The following LSM5 variants were observed in gnomAD, a reference collection of about 807,000 sequenced individuals.
LSM5 encodes LSM5 homolog, U6 small nuclear RNA and mRNA degradation associated.
A neutral mutation model predicts 13.8 loss-of-function variants in LSM5; 8 were observed. The ratio of observed to expected loss-of-function variants is 0.58; its 90% CI spans 0.34 to 1.04. LSM5 has a LOEUF of 1.04. Among genes scored for constraint, LSM5 ranks in the 50% least tolerant of loss-of-function variants. LSM5 has a pLI of 0.03. For synonymous variants in LSM5, 35 were observed against 37.0 expected, an observed-to-expected ratio of 0.95 and a Z score of 0.20; for missense variants, 80 against 108.1, an observed-to-expected ratio of 0.74 and a Z score of 1.15.
In LSM5 at chr7:32,485,875, G is replaced by A. The variant is rs1786429720; in HGVS notation, c.*1386C>T. Reference sequence around the variant, plus strand: ...GGAGGTCGCGTTGATATCGCGACAAGGCACACCAGCCTGACTGGAGGTTGC... The same window carrying A: ...GGAGGTCGCGTTGATATCGCGACAAAGCACACCAGCCTGACTGGAGGTTGC... On this transcript the variant is annotated 3_prime_UTR_variant, in exon 5 of 5. Transcript: ENST00000450169. 1 of 149,302 alleles carries A rather than the reference G, an allele frequency of 6.7e-6. No individual in the cohort carries two copies. The highest frequency in any genetic ancestry group is 2.5e-5 in the African/African-American group (1 of 40,446). The allele number at this position is 149,302 out of a possible 1,614,324, so 9.2% of individuals were successfully genotyped here. A position where few individuals can be genotyped will look rare whatever the true frequency, so the allele number is the denominator to read the frequency against.
chr7:32,492,575 TAATAAAG>T (rs985752984), upstream of LSM5, among the ~76,000 whole-genome samples: 11 of 152,056 alleles, frequency 7.2e-5, no homozygotes, highest in Admixed American at 7.2e-4. Context: ...TGAATGCCAC[TAATAAAG>T]AATAAAGAAA....
intron 1 of LSM5, chr7:32,489,897 G>A (rs1786536678): frequency 6.6e-6 from 3 of 456,646 alleles, no homozygotes; most frequent in Non-Finnish European, 1.1e-5. Context: ...AAACAGAGCT[G>A]GTTTCCAGAT....
intron 3 of LSM5, chr7:32,488,048 GTTT>G (rs10653528): frequency 7.6e-6 from 2 of 264,592 alleles, no homozygotes; most frequent in African/African-American, 2.4e-5. Flanking sequence ...TGTTTTTTGG[GTTT>G]TTTTTTTTTT....
At position 32,485,841 on chromosome 7, in the gene LSM5, C is replaced by G. The variant is rs1192951981; in HGVS notation, c.*1420G>C. 2.0e-5 allele frequency: 3 copies of G among 151,072 alleles called. No homozygotes were observed. Among genetic ancestry groups the G allele is most frequent in the African/African-American group, 7.3e-5 (3 of 40,934 alleles). 9.4% of individuals were successfully genotyped at this position (151,072 alleles called of 1,614,324 possible). The stretch of plus-strand genomic sequence containing the variant: ...GGTGAGGCAGGACAATCACTTGAAC[C>G]TGGGAGGCGGAGGTCGCGTTGATAT... On this transcript the variant is annotated 3_prime_UTR_variant, in exon 5 of 5. Transcript: ENST00000450169.
chr7:32,489,005 G>A (rs1005697510), intron 2 of LSM5, among the ~76,000 whole-genome samples: 2 of 152,216 alleles, frequency 1.3e-5, no homozygotes, highest in African/African-American at 2.4e-5. Flanking sequence ...GATTATAGGC[G>A]TGAGCCACTG....
At chr7:32,492,431 G>A (rs1007805411), upstream of LSM5, among the ~76,000 whole-genome samples, 12 of 152,298 alleles carry the variant, frequency 7.9e-5, no homozygotes, top group African/African-American at 2.9e-4. Context: ...GCTGAGGCAG[G>A]AGAATCGCTT....
chr7:32,488,048 G>GT (rs10653528), intron 3 of LSM5: 199,724 of 264,708 alleles, frequency 0.75, 68,377 homozygotes, highest in Admixed American at 0.87. Flanking sequence ...TGTTTTTTGG[G>GT]TTTTTTTTTT....
At chr7:32,493,976 C>A (rs991839150), upstream of LSM5, among the ~76,000 whole-genome samples, 1 of 151,856 alleles carries the variant, frequency 6.6e-6, no homozygotes, top group African/African-American at 2.4e-5. Flanking sequence ...CTCAGCCGTC[C>A]GAGTAGCTGG....
upstream of LSM5, among the ~76,000 whole-genome samples, chr7:32,494,015 A>G (rs1326085380): frequency 2.0e-5 from 3 of 151,556 alleles, no homozygotes; most frequent in African/African-American, 7.3e-5. Context: ...TGTATTTTGT[A>G]CTAGAGAGGG....
At chr7:32,494,985 C>T (rs563417111), upstream of LSM5, 6 of 152,158 alleles carry the variant, frequency 3.9e-5, no homozygotes, top group East Asian at 1.2e-3. Context: ...TACACAGATA[C>T]GCAACCTCAC....
chr7:32,487,201 A>G lies in LSM5; in HGVS notation c.*60T>C. 6.7e-7 allele frequency: 1 copy of G among 1,483,230 alleles called. No individual in the cohort carries two copies. Among genetic ancestry groups the G allele is most frequent in the Non-Finnish European group, 9.4e-7 (1 of 1,063,938 alleles). 91.9% of individuals were successfully genotyped at this position (1,483,230 alleles called of 1,614,324 possible). ...TAAACATTAGAAAGTGGGAAAAAAA[A>G]TTCCATTTTCTTGTCATTATAAGCC... is the stretch of plus-strand genomic sequence containing the variant. On this transcript the variant is annotated 3_prime_UTR_variant, in exon 5 of 5. Transcript: ENST00000450169.
chr7:32,493,546 CTT>C (rs1554330325), upstream of LSM5, among the ~76,000 whole-genome samples: 1 of 36,232 alleles, frequency 2.8e-5, no homozygotes, highest in Non-Finnish European at 9.2e-5. Flanking sequence ...CTCTCCCTTT[CTT>C]TATTTTTTTG....
At chr7:32,491,494 C>T (rs6950724), upstream of LSM5, among the ~76,000 whole-genome samples, 30,999 of 151,906 alleles carry the variant, frequency 0.2, 3,422 homozygotes, top group Admixed American at 0.32. Context: ...CCCATCATTC[C>T]TTCATAGACT....
intron 2 of LSM5, among the ~76,000 whole-genome samples, chr7:32,488,901 T>C (rs751166225): frequency 3.3e-5 from 5 of 152,180 alleles, no homozygotes; most frequent in Non-Finnish European, 5.9e-5. Context: ...ATTTTTGTAA[T>C]TTTTGTGGAG....
At chr7:32,489,226 A>C in intron 2 of LSM5, 23 bp downstream of exon 2, 2 of 1,227,656 alleles carry the variant, frequency 1.6e-6, no homozygotes, top group Non-Finnish European at 2.4e-6. Flanking sequence ...AACCTATACC[A>C]CCACCACCTT....
chr7:32,487,741 C>A lies in LSM5; in HGVS notation c.187G>T (p.Gly63Ter), dbSNP rs764519400. The change falls in exon 4 of 5, where the codon GGA becomes TGA. Residue 63 changes from glycine (G) to a stop codon, truncating the protein, a stop_gained. Coordinates refer to ENST00000450169, the MANE Select transcript of LSM5 (RefSeq NM_012322.3). LOFTEE classifies it high-confidence loss of function. ...DVTEFEITPE[G>*]RRITKLDQIL... ...TGATCTAATTTAGTAATCCTTCTTC[C>A]TTCTGGTGTGATTTCACTAAATGAA... The A allele has an allele frequency of 6.6e-7, 1 of 1,504,478 alleles. No homozygotes were observed. Among genetic ancestry groups the A allele is most frequent in the African/African-American group, 1.4e-5 (1 of 72,798 alleles). 93.2% of individuals were successfully genotyped at this position (1,504,478 alleles called of 1,614,324 possible). A position where few individuals can be genotyped will look rare whatever the true frequency, so the allele number is the denominator to read the frequency against.
At chr7:32,489,503 T>A in intron 1 of LSM5, 159 bp from the exon 2 acceptor site, 1 of 586,622 alleles carries the variant, frequency 1.7e-6, no homozygotes, top group Admixed American at 3.5e-5. Flanking sequence ...AAGCACAGCA[T>A]CTGGCACATA....
At chr7:32,491,595 T>C (rs976568994), upstream of LSM5, among the ~76,000 whole-genome samples, 2 of 152,166 alleles carry the variant, frequency 1.3e-5, no homozygotes, top group African/African-American at 4.8e-5. Flanking sequence ...TCAAATTCCA[T>C]GGTCAGTTAT....
At chr7:32,491,061 C>G (rs1032818409), upstream of LSM5, among the ~76,000 whole-genome samples, 3 of 152,158 alleles carry the variant, frequency 2.0e-5, no homozygotes, top group Non-Finnish European at 4.4e-5. Context: ...AGCAAAGTAT[C>G]GGCCCTAGTC....
Sources: gnomAD v4.1 joint callset for allele counts (sites outside exome capture counted in the v4.1 genomes callset) on GRCh38, gnomAD v4.1.1 for gene constraint, MANE v1.5 for transcripts, NCBI Gene and HGNC (gene_info 2026-07-23, HGNC 2026-07-21) for gene names.